The following VWDE variants were observed in gnomAD, a reference collection of about 807,000 sequenced individuals.
VWDE encodes the protein von Willebrand factor D and EGF domains.
A neutral mutation model predicts 178.4 loss-of-function variants in VWDE; 207 were observed. The ratio of observed to expected loss-of-function variants is 1.16; its 90% CI spans 1.04 to 1.30. The LOEUF (loss-of-function observed/expected upper bound fraction) is 1.30, where lower values mean the gene tolerates loss of function less well. VWDE is among the 50% of genes most tolerant of loss of function. The pLI, the probability that VWDE is intolerant of heterozygous loss-of-function variation, is 0.00. For synonymous variants in VWDE, 738 were observed against 651.4 expected (o/e 1.13, Z -2.02); for missense variants, 2,287 against 1,901.3 (o/e 1.20, Z -3.77).
Position 12,337,167 on chromosome 7 carries a change from G to T in VWDE, c.4462+10C>A. 3 of 1,551,444 alleles carry T rather than the reference G, an allele frequency of 1.9e-6. No homozygotes were observed. The highest frequency in any genetic ancestry group is 2.6e-6 in the Non-Finnish European group (3 of 1,146,706). The stretch of plus-strand genomic sequence containing the variant: ...GCTGTAGTTGACAAATACATTTAGT[G>T]ATGTCTTACTTTTTTGGAATCTCCT... On this transcript the variant is annotated intron_variant, in intron 25 of 28. Transcript: ENST00000275358.
chr7:12,337,109 GC>G, intron 25 of VWDE, 26 bp from the exon 26 acceptor site: 1 of 1,551,214 alleles, frequency 6.4e-7, no homozygotes, highest in Non-Finnish European at 8.7e-7. Context: ...TGAAAAGTCA[GC>G]CCTTAAATTC....
intron 1 of VWDE, among the ~76,000 whole-genome samples, chr7:12,396,006 A>T (rs1445331379): frequency 6.6e-6 from 1 of 152,212 alleles, no homozygotes; most frequent in African/African-American, 2.4e-5. Flanking sequence ...TAAAATATAC[A>T]TTAAAATGTA....
chr7:12,362,220 T>TACACAC (rs61071248), intron 13 of VWDE, among the ~76,000 whole-genome samples: 2,074 of 149,352 alleles, frequency 0.014, 33 homozygotes, highest in African/African-American at 0.036. Flanking sequence ...GAGACAAACA[T>TACACAC]ACACACACAC....
At chr7:12,358,084 A>G (rs913099516) in intron 16 of VWDE, among the ~76,000 whole-genome samples, 8 of 152,152 alleles carry the variant, frequency 5.3e-5, no homozygotes, top group African/African-American at 1.9e-4. Context: ...ACTAAAAAAG[A>G]GGCTATTTCA....
chr7:12,379,643 C>A, intron 5 of VWDE, 77 bp from the exon 6 acceptor site: 3 of 1,040,178 alleles, frequency 2.9e-6, no homozygotes, highest in Non-Finnish European at 4.1e-6. Context: ...TTTTAAAATC[C>A]TAAATTTAAT....
Position 12,333,340 on chromosome 7 carries a change from G to C in VWDE, c.4758+125C>G, listed in dbSNP as rs1780834355. ...AAATGATACAATTTTTAATTTTAGAGGCAAATAAATGCTTTTTTTATTTTG... is the reference window on the plus strand; with the variant it reads ...AAATGATACAATTTTTAATTTTAGACGCAAATAAATGCTTTTTTTATTTTG... On this transcript the variant is annotated intron_variant, in intron 28 of 28. Transcript: ENST00000275358. 3 of 638,256 alleles carry C rather than the reference G, an allele frequency of 4.7e-6. 1 individual carries two copies. The South Asian group carries it at 7.7e-5, about 16-fold the overall frequency. 39.5% of individuals were successfully genotyped at this position (638,256 alleles called of 1,614,324 possible).
At chr7:12,340,520 T>C (rs1781272279) in intron 23 of VWDE, 103 bp from the exon 24 acceptor site, 4 of 774,066 alleles carry the variant, frequency 5.2e-6, no homozygotes, top group Admixed American at 5.9e-5. Context: ...ATTTTATTTT[T>C]ACTGCAAGTA....
chr7:12,360,108 G>C (rs61529219), intron 15 of VWDE, among the ~76,000 whole-genome samples: 2 of 151,938 alleles, frequency 1.3e-5, no homozygotes, highest in African/African-American at 4.8e-5. Context: ...GCAGCCCACT[G>C]TGTTCTGTGA....
intron 6 of VWDE, among the ~76,000 whole-genome samples, chr7:12,378,682 T>TGTCA (rs1196795996): frequency 1.3e-5 from 2 of 152,210 alleles, no homozygotes; most frequent in Non-Finnish European, 2.9e-5. Flanking sequence ...TTCTCAAAGC[T>TGTCA]TGACCTCTGC....
intron 2 of VWDE, among the ~76,000 whole-genome samples, chr7:12,391,378 C>T (rs1028887175): frequency 6.6e-6 from 1 of 151,924 alleles, no homozygotes; most frequent in Non-Finnish European, 1.5e-5. Context: ...AGCCTTAGTA[C>T]AAAAAAGGAA....
At chr7:12,372,501 A>G (rs916392027) in intron 10 of VWDE, among the ~76,000 whole-genome samples, 1 of 152,090 alleles carries the variant, frequency 6.6e-6, no homozygotes, top group Admixed American at 6.6e-5. Context: ...GATATGAAGT[A>G]TAATCTTTAA....
chr7:12,357,812 T>G (rs1782343731), intron 16 of VWDE, among the ~76,000 whole-genome samples: 1 of 152,108 alleles, frequency 6.6e-6, no homozygotes, highest in South Asian at 2.1e-4. Context: ...GCTGCACCTC[T>G]TCTGTCTTAC....
At chr7:12,348,291 C>T (rs1173981229) in intron 19 of VWDE, among the ~76,000 whole-genome samples, 2 of 148,482 alleles carry the variant, frequency 1.3e-5, no homozygotes, top group Non-Finnish European at 3.0e-5. Flanking sequence ...AACAGGCAAC[C>T]TACAAAATGG....
intron 6 of VWDE, among the ~76,000 whole-genome samples, chr7:12,378,888 C>A (rs12699366): frequency 2.6e-5 from 4 of 152,074 alleles, no homozygotes; most frequent in Admixed American, 1.3e-4. Flanking sequence ...AACTCGAGTC[C>A]TGTGGGTGAG....
chr7:12,380,021 C>T (rs546476877), intron 5 of VWDE, among the ~76,000 whole-genome samples: 2 of 151,672 alleles, frequency 1.3e-5, no homozygotes, highest in South Asian at 4.2e-4. Flanking sequence ...TCGCTTGAAC[C>T]TGAGAGGCGG....
Position 12,361,208 on chromosome 7 carries a change from AC to A in VWDE, c.3097del (p.Val1033SerfsTer20). The A allele has an allele frequency of 6.5e-7, 1 of 1,548,522 alleles. No homozygotes were observed. The highest frequency in any genetic ancestry group is 8.7e-7 in the Non-Finnish European group (1 of 1,144,408). ...GYKFSNPKIT[V>X]IYDGACQVCG... ...AACTTGGCAAGCACCATCATATATG[AC>A]CGTTATTTTGGGATTACTGAATTTA... is the stretch of plus-strand genomic sequence containing the variant. On this transcript the variant is annotated frameshift_variant, in exon 15 of 29. Coordinates refer to ENST00000275358, the MANE Select transcript of VWDE (RefSeq NM_001135924.3). LOFTEE classifies it high-confidence loss of function.
intron 27 of VWDE, 167 bp from the exon 28 acceptor site, chr7:12,333,735 A>G: frequency 2.1e-6 from 1 of 487,198 alleles, no homozygotes; most frequent in South Asian, 3.8e-5. Context: ...CTTGTCTTTC[A>G]GAGCACACGC....
intron 27 of VWDE, among the ~76,000 whole-genome samples, chr7:12,334,909 A>G (rs911417932): frequency 5.3e-5 from 8 of 152,158 alleles, no homozygotes; most frequent in Admixed American, 5.2e-4. Flanking sequence ...TCCAATTGGA[A>G]TTATCAATAT....
chr7:12,351,943 C>T (rs1467185719), intron 18 of VWDE, among the ~76,000 whole-genome samples: 1 of 152,056 alleles, frequency 6.6e-6, no homozygotes, highest in Non-Finnish European at 1.5e-5. Flanking sequence ...TGTTTGGAGA[C>T]AGGGTCTTTA....
Sources: gnomAD v4.1 joint callset for allele counts (sites outside exome capture counted in the v4.1 genomes callset) on GRCh38, gnomAD v4.1.1 for gene constraint, MANE v1.5 for transcripts, NCBI Gene and HGNC (gene_info 2026-07-23, HGNC 2026-07-21) for gene names.